The following RSRC1 variants were observed in gnomAD, a reference collection of about 807,000 sequenced individuals.
The protein encoded by RSRC1 is arginine and serine rich coiled-coil 1.
RSRC1 carries 39 observed loss-of-function variants against 49.1 expected under a neutral mutation model. The ratio of observed to expected loss-of-function variants is 0.79; its 90% CI spans 0.61 to 1.04. The LOEUF (loss-of-function observed/expected upper bound fraction) is 1.04, where lower values mean the gene tolerates loss of function less well. Among genes scored for constraint, RSRC1 ranks in the 50% least tolerant of loss-of-function variants. The pLI is 0.00. For synonymous variants in RSRC1, 143 were observed against 130.8 expected, an observed-to-expected ratio of 1.09 and a Z score of -0.63; for missense variants, 388 against 402.4, an observed-to-expected ratio of 0.96 and a Z score of 0.31.
intron 5 of RSRC1, among the ~76,000 whole-genome samples, chr3:158,330,282 T>C (rs1366796359): frequency 6.6e-6 from 1 of 152,200 alleles, no homozygotes; most frequent in Non-Finnish European, 1.5e-5. Context: ...ATTTCCTCAG[T>C]TGGAAATGCA....
chr3:158,315,961 C>T (rs1305361627), intron 5 of RSRC1, among the ~76,000 whole-genome samples: 4 of 151,950 alleles, frequency 2.6e-5, no homozygotes, highest in Admixed American at 6.6e-5. Context: ...CTCTTGAGCC[C>T]AGGGGTTTGA....
At chr3:158,488,235 T>C (rs1443744187) in intron 7 of RSRC1, among the ~76,000 whole-genome samples, 1 of 152,096 alleles carries the variant, frequency 6.6e-6, no homozygotes, top group Non-Finnish European at 1.5e-5. Context: ...TAAAAATCTG[T>C]TATGTCTGAA....
chr3:158,190,878 G>T (rs1158243466), intron 3 of RSRC1, among the ~76,000 whole-genome samples: 1 of 151,836 alleles, frequency 6.6e-6, no homozygotes, highest in Non-Finnish European at 1.5e-5. Context: ...AACCCTTCTT[G>T]AATGACACTG....
chr3:158,111,421 A>G (rs544359920), intron 1 of RSRC1, among the ~76,000 whole-genome samples: 2 of 152,342 alleles, frequency 1.3e-5, no homozygotes, highest in South Asian at 4.1e-4. Flanking sequence ...TGAATTGGAA[A>G]AGTTCTGAAA....
At chr3:158,439,427 A>G (rs947288645) in intron 6 of RSRC1, among the ~76,000 whole-genome samples, 12 of 152,160 alleles carry the variant, frequency 7.9e-5, no homozygotes, top group South Asian at 2.1e-4. Context: ...ATGTCCATCA[A>G]TGATAGACTG....
chr3:158,127,612 T>G (rs145813259), intron 3 of RSRC1, among the ~76,000 whole-genome samples: 88 of 152,160 alleles, frequency 5.8e-4, no homozygotes, highest in African/African-American at 2.0e-3. Context: ...CTGTGTTCTT[T>G]TTTGGATCAT....
At chr3:158,158,622 T>G (rs184360264) in intron 3 of RSRC1, among the ~76,000 whole-genome samples, 18 of 152,240 alleles carry the variant, frequency 1.2e-4, no homozygotes, top group Non-Finnish European at 2.2e-4. Context: ...CTCAGAGCCT[T>G]AGAGTGTTTT....
intron 7 of RSRC1, among the ~76,000 whole-genome samples, chr3:158,485,238 T>C (rs1215795932): frequency 6.6e-6 from 1 of 152,096 alleles, no homozygotes; most frequent in Non-Finnish European, 1.5e-5. Context: ...TGAAGTTAAT[T>C]GTATGTTGTA....
At chr3:158,257,658 A>G (rs1395060060) in intron 4 of RSRC1, among the ~76,000 whole-genome samples, 1 of 152,074 alleles carries the variant, frequency 6.6e-6, no homozygotes, top group Admixed American at 6.5e-5. Flanking sequence ...TGATAAATAG[A>G]TACTTACTCT....
At chr3:158,538,155 A>G (rs557727774) in intron 8 of RSRC1, among the ~76,000 whole-genome samples, 19 of 151,814 alleles carry the variant, frequency 1.3e-4, no homozygotes, top group Non-Finnish European at 2.7e-4. Flanking sequence ...ATAGGTAAAA[A>G]TTGGCCTGTT....
intron 6 of RSRC1, among the ~76,000 whole-genome samples, chr3:158,412,327 A>G (rs923947625): frequency 1.3e-5 from 2 of 152,074 alleles, no homozygotes; most frequent in African/African-American, 2.4e-5. Context: ...GTTTGGTGTA[A>G]CTGTGATGGA....
At chr3:158,119,832 C>CTTTTTT (rs35646318) in intron 1 of RSRC1, among the ~76,000 whole-genome samples, 2 of 129,076 alleles carry the variant, frequency 1.5e-5, no homozygotes, top group Admixed American at 8.3e-5. Context: ...ATTTCATAGT[C>CTTTTTT]TTTTTTTTTT....
At chr3:158,176,109 T>C (rs1244236043) in intron 3 of RSRC1, among the ~76,000 whole-genome samples, 2 of 152,114 alleles carry the variant, frequency 1.3e-5, no homozygotes, top group Non-Finnish European at 2.9e-5. Context: ...GTGAAGGACC[T>C]CTTCAAGGAG....
intron 6 of RSRC1, among the ~76,000 whole-genome samples, chr3:158,396,585 A>G (rs1180885113): frequency 6.6e-6 from 1 of 152,110 alleles, no homozygotes; most frequent in Non-Finnish European, 1.5e-5. Flanking sequence ...ACATCACAAT[A>G]TTTTTAAGTC....
chr3:158,236,702 C>G (rs527484716), intron 4 of RSRC1, among the ~76,000 whole-genome samples: 1 of 152,066 alleles, frequency 6.6e-6, no homozygotes, highest in African/African-American at 2.4e-5. Flanking sequence ...ACAATTTATT[C>G]TCCTATTGAA....
chr3:158,364,744 T>A (rs1358466310), intron 6 of RSRC1, among the ~76,000 whole-genome samples: 1 of 151,590 alleles, frequency 6.6e-6, no homozygotes, highest in Non-Finnish European at 1.5e-5. Context: ...CTAGCTCTCA[T>A]CTTTACTGAT....
intron 3 of RSRC1, among the ~76,000 whole-genome samples, chr3:158,194,242 C>G (rs750070252): frequency 6.6e-6 from 1 of 151,000 alleles, no homozygotes; most frequent in Non-Finnish European, 1.5e-5. Flanking sequence ...CTGCTGCACT[C>G]CAGCCTGGCT....
intron 7 of RSRC1, among the ~76,000 whole-genome samples, chr3:158,511,371 G>C (rs62287884): frequency 6.6e-6 from 1 of 151,808 alleles, no homozygotes; most frequent in Non-Finnish European, 1.5e-5. Flanking sequence ...AGAATATGTG[G>C]TGTTTGCTTT....
intron 6 of RSRC1, among the ~76,000 whole-genome samples, chr3:158,413,067 A>G (rs148462795): frequency 4.1e-4 from 63 of 152,292 alleles, no homozygotes; most frequent in African/African-American, 1.3e-3. Context: ...AGCTGAAGGA[A>G]TCATGCTGCC....
Sources: gnomAD v4.1 joint callset for allele counts (sites outside exome capture counted in the v4.1 genomes callset) on GRCh38, gnomAD v4.1.1 for gene constraint, MANE v1.5 for transcripts, NCBI Gene and HGNC (gene_info 2026-07-23, HGNC 2026-07-21) for gene names.